Variants in LIN54 observed in about 807,000 individuals in gnomAD.
The protein encoded by LIN54 is lin-54 DREAM MuvB core complex component, also known as protein lin-54 homolog.
Under a neutral mutation model 78.7 loss-of-function variants are expected in LIN54, and 9 were observed. The ratio of observed to expected loss-of-function variants is 0.11; its 90% CI spans 0.07 to 0.20. The LOEUF is 0.20. LIN54 is among the 10% of genes least tolerant of loss of function. The pLI is 1.00. For missense variants in LIN54, 573 were observed against 889.9 expected (o/e 0.64, Z 4.53); for synonymous variants, 269 against 318.4 (o/e 0.84, Z 1.65).
At chr4:82,992,678 G>A (rs1021296152) in intron 1 of LIN54, among the ~76,000 whole-genome samples, 15 of 151,984 alleles carry the variant, frequency 9.9e-5, no homozygotes, top group Admixed American at 1.3e-4. Flanking sequence ...CCTCAGCCCC[G>A]CAAGTAGCTG....
intron 4 of LIN54, among the ~76,000 whole-genome samples, chr4:82,952,186 C>A (rs983099184): frequency 6.6e-6 from 1 of 152,120 alleles, no homozygotes; most frequent in Non-Finnish European, 1.5e-5. Context: ...AGTAAAAAGG[C>A]AACCCATAGA....
intron 4 of LIN54, among the ~76,000 whole-genome samples, chr4:82,957,426 AAG>A (rs768518849): frequency 1.3e-5 from 2 of 152,198 alleles, no homozygotes; most frequent in Non-Finnish European, 2.9e-5. Context: ...GAAACATCCC[AAG>A]AGTCTCCATT....
At chr4:82,989,270 A>G (rs6835254) in intron 1 of LIN54, among the ~76,000 whole-genome samples, 180 of 152,256 alleles carry the variant, frequency 1.2e-3, no homozygotes, top group African/African-American at 4.1e-3. Flanking sequence ...TCAGTCACTT[A>G]TAACATCTTA....
At chr4:83,000,924 T>C (rs1728712401) in intron 1 of LIN54, among the ~76,000 whole-genome samples, 1 of 148,578 alleles carries the variant, frequency 6.7e-6, no homozygotes, top group Admixed American at 6.9e-5. Context: ...TTCAAGCAAT[T>C]CTCCTGCCTC....
chr4:82,931,629 A>G lies in LIN54; in HGVS notation c.1846-484T>C, dbSNP rs113045310. 5.5e-3 allele frequency among the ~76,000 whole-genome samples: 841 copies of G among 152,224 alleles called. 18 individuals carry two copies. The highest frequency in any genetic ancestry group is 0.019 in the African/African-American group (785 of 41,534). On this transcript the variant is annotated intron_variant, in intron 11 of 12. Coordinates refer to ENST00000340417, the MANE Select transcript of LIN54 (RefSeq NM_194282.4). ...AATCTGAAGAGGGAGTTCGGGAGGGACTTCAGATTCCCCAAACCCTTCAAT... is the reference window on the plus strand; with the variant it reads ...AATCTGAAGAGGGAGTTCGGGAGGGGCTTCAGATTCCCCAAACCCTTCAAT...
intron 4 of LIN54, 101 bp from the exon 5 acceptor site, chr4:82,946,575 T>C: frequency 7.9e-6 from 7 of 884,856 alleles, no homozygotes; most frequent in Admixed American, 4.3e-5. Flanking sequence ...TGCTCCTGTA[T>C]TGCATCAAAA....
At position 82,995,873 on chromosome 4, in the gene LIN54, C is replaced by T. The variant is rs114034638; in HGVS notation, c.-32-10997G>A. ...TAAAAGAAAGTTTCAGGACCAGGCA[C>T]GGTGGCTCACACCTGTAATCCCAGC... is the stretch of plus-strand genomic sequence containing the variant. On this transcript the variant is annotated intron_variant, in intron 1 of 12. Coordinates refer to ENST00000340417, the MANE Select transcript of LIN54 (RefSeq NM_194282.4). 6.4e-3 allele frequency among the ~76,000 whole-genome samples: 968 copies of T among 151,036 alleles called. 13 individuals are homozygous for T. Among genetic ancestry groups the T allele is most frequent in the African/African-American group, 0.022 (898 of 41,342 alleles).
intron 1 of LIN54, among the ~76,000 whole-genome samples, chr4:83,002,443 G>A (rs1357857324): frequency 6.8e-6 from 1 of 147,942 alleles, no homozygotes. Flanking sequence ...GAGGGAGGGA[G>A]GAGGGGAGGG....
At chr4:82,980,338 A>G (rs2126082854) in intron 2 of LIN54, among the ~76,000 whole-genome samples, 1 of 152,314 alleles carries the variant, frequency 6.6e-6, no homozygotes, top group South Asian at 2.1e-4. Context: ...AGACTGTAAA[A>G]GAACTATTTA....
In LIN54 at chr4:82,928,053, C is replaced by G; in HGVS notation, c.*49G>C. On this transcript the variant is annotated 3_prime_UTR_variant, in exon 13 of 13. Coordinates refer to ENST00000340417, the MANE Select transcript of LIN54 (RefSeq NM_194282.4). ...TCTTCCAGAAAATCAAGTGTCCCTG[C>G]ACCTTAAATTTTCTGTACAGTTCCA... 6.7e-7 allele frequency: 1 copy of G among 1,489,676 alleles called. No individual in the cohort carries two copies. The highest frequency in any genetic ancestry group is 9.4e-7 in the Non-Finnish European group (1 of 1,067,232). The allele number at this position is 1,489,676 out of a possible 1,614,324, so 92.3% of individuals were successfully genotyped here.
intron 4 of LIN54, among the ~76,000 whole-genome samples, chr4:82,950,134 A>C (rs1723741937): frequency 6.6e-6 from 1 of 152,220 alleles, no homozygotes; most frequent in African/African-American, 2.4e-5. Context: ...CACAGTGCCC[A>C]GCCAGCACAA....
intron 4 of LIN54, among the ~76,000 whole-genome samples, chr4:82,955,439 T>C (rs1291277927): frequency 1.0e-4 from 14 of 140,182 alleles, no homozygotes. Context: ...AGACAAGCCA[T>C]AGATTGAGAG....
At chr4:82,937,011 G>T (rs1722445275) in intron 9 of LIN54, among the ~76,000 whole-genome samples, 1 of 152,178 alleles carries the variant, frequency 6.6e-6, no homozygotes, top group Non-Finnish European at 1.5e-5. Context: ...CCCTACTCCA[G>T]TGATTCATGT....
At chr4:82,974,168 C>T (rs539920400) in intron 3 of LIN54, among the ~76,000 whole-genome samples, 3 of 151,716 alleles carry the variant, frequency 2.0e-5, no homozygotes, top group African/African-American at 7.3e-5. Context: ...CGAGATCGCA[C>T]CACTGCACTC....
At chr4:82,938,529 AGATCATATTTCCAAAAATG>A (rs1454269186) in intron 7 of LIN54, 25 bp from the exon 8 acceptor site, 3 of 1,379,140 alleles carry the variant, frequency 2.2e-6, no homozygotes, top group Non-Finnish European at 3.1e-6. Context: ...AATTAATTTT[AGATCATATTTCCAAAAATG>A]GACAATACTG....
chr4:82,929,921 G>T (rs749878095), intron 12 of LIN54, among the ~76,000 whole-genome samples: 34 of 152,020 alleles, frequency 2.2e-4, no homozygotes, highest in Non-Finnish European at 4.4e-4. Context: ...TTTTTGAGAC[G>T]GAGTTTGCTC....
At chr4:82,935,864 T>C (rs1249375869) in intron 11 of LIN54, 117 bp downstream of exon 11, 2 of 997,038 alleles carry the variant, frequency 2.0e-6, no homozygotes, top group Non-Finnish European at 3.1e-6. Flanking sequence ...GCACCAACTG[T>C]GCATATTTTC....
rs34929292 is a variant in LIN54 at position 82,946,446 on chromosome 4, G to C, written c.980C>G (p.Thr327Ser). The C allele has an allele frequency of 1.5e-3, 2,501 of 1,613,912 alleles. 11 individuals carry two copies. Among genetic ancestry groups the C allele is most frequent in the Middle Eastern group, 3.6e-3 (22 of 6,060 alleles). Residue 327 changes from threonine to serine, a missense_variant, in exon 5 of 13, where the codon ACT (threonine) becomes AGT (serine). Thr to Ser is a moderately conservative substitution (Grantham distance 58). Around this residue, in one of 6 missense-constraint regions of LIN54, gnomAD observed 199 missense variants for 260.9 expected, o/e 0.76. Coordinates refer to ENST00000340417, the MANE Select transcript of LIN54 (RefSeq NM_194282.4). The stretch of plus-strand genomic sequence containing the variant: ...CTGTGATGTGCTCACTCCTCCAACA[G>C]TGATGGTCTGCACAGTTGATTTCAC... Reference protein sequence around the residue: ...KAVKSTVQTITVGGVSTSQFK... With the variant: ...KAVKSTVQTISVGGVSTSQFK...
At chr4:82,998,753 A>G (rs907954191) in intron 1 of LIN54, among the ~76,000 whole-genome samples, 9 of 152,120 alleles carry the variant, frequency 5.9e-5, no homozygotes, top group Non-Finnish European at 1.2e-4. Context: ...ATTTGTGGCA[A>G]TTTGAAAAAA....
Sources: allele counts gnomAD v4.1 joint callset (sites outside exome capture counted in the v4.1 genomes callset), GRCh38; gene constraint gnomAD v4.1.1; regional missense constraint gnomAD v4.1.1; transcripts MANE v1.5; gene names NCBI Gene and HGNC (gene_info 2026-07-23, HGNC 2026-07-21).